The following ALK variants were observed in gnomAD, a reference collection of about 807,000 sequenced individuals.
ALK encodes the protein ALK tyrosine kinase receptor.
Under a neutral mutation model 163.1 loss-of-function variants are expected in ALK, and 74 were observed. The observed-to-expected ratio is 0.45, with a 90% CI of 0.38 to 0.55. The LOEUF (loss-of-function observed/expected upper bound fraction) is 0.55. Ranked by LOEUF, ALK falls within the 20% of genes least tolerant of loss-of-function variation. The pLI is 0.00. For synonymous variants in ALK, 960 were observed against 843.2 expected, an observed-to-expected ratio of 1.14 and a Z score of -2.40; for missense variants, 2,063 against 2,105.3, an observed-to-expected ratio of 0.98 and a Z score of 0.39.
At chr2:29,514,885 T>C (rs184764249) in intron 4 of ALK, among the ~76,000 whole-genome samples, 77 of 152,294 alleles carry the variant, frequency 5.1e-4, no homozygotes, top group Non-Finnish European at 9.3e-4. Flanking sequence ...GGGGTTCCCA[T>C]ACCCATCCCT....
At chr2:29,796,916 C>G (rs953994959) in intron 1 of ALK, among the ~76,000 whole-genome samples, 1 of 147,286 alleles carries the variant, frequency 6.8e-6, no homozygotes, top group African/African-American at 2.7e-5. Context: ...ATGCTCACAA[C>G]TTACTATCAA....
rs2148442746 is a variant in ALK at position 29,919,975 on chromosome 2, C to T, written c.667+18G>A. On this transcript the variant is annotated intron_variant, in intron 1 of 28. Coordinates refer to ENST00000389048, the MANE Select transcript of ALK (RefSeq NM_004304.5). ...TAAAAACACTAAATCCCGGCACACT[C>T]AGGCGGGAGCTGCTCACCAGTCCCG... 1 of 1,611,078 alleles carries T rather than the reference C, an allele frequency of 6.2e-7. No individual in the cohort carries two copies. The highest frequency in any genetic ancestry group is 8.5e-7 in the Non-Finnish European group (1 of 1,177,676).
intron 5 of ALK, among the ~76,000 whole-genome samples, chr2:29,358,380 G>A (rs1312820159): frequency 1.3e-5 from 2 of 152,314 alleles, no homozygotes; most frequent in Non-Finnish European, 1.5e-5. Flanking sequence ...TAAAGATGGA[G>A]AAAACATCAG....
chr2:29,851,980 T>C (rs1171781988), intron 1 of ALK, among the ~76,000 whole-genome samples: 1 of 152,202 alleles, frequency 6.6e-6, no homozygotes, highest in Non-Finnish European at 1.5e-5. Context: ...ACCTGTATTT[T>C]CTTATGTGCA....
At chr2:29,279,628 C>T (rs1665655683) in intron 9 of ALK, among the ~76,000 whole-genome samples, 1 of 152,310 alleles carries the variant, frequency 6.6e-6, no homozygotes, top group African/African-American at 2.4e-5. Flanking sequence ...ATTCAGGTTT[C>T]CCTACTTTCG....
intron 5 of ALK, among the ~76,000 whole-genome samples, chr2:29,335,857 T>C (rs1354839441): frequency 6.6e-6 from 1 of 151,996 alleles, no homozygotes; most frequent in Non-Finnish European, 1.5e-5. Context: ...CTGACCAACA[T>C]AGTGAAACCC....
intron 4 of ALK, among the ~76,000 whole-genome samples, chr2:29,524,264 C>T (rs2148151259): frequency 6.6e-6 from 1 of 152,232 alleles, no homozygotes; most frequent in African/African-American, 2.4e-5. Context: ...GGTGTGCAAC[C>T]CAAAGTCTCC....
chr2:29,643,093 CAA>C (rs1676750725), intron 3 of ALK, among the ~76,000 whole-genome samples: 1 of 150,048 alleles, frequency 6.7e-6, no homozygotes, highest in African/African-American at 2.5e-5. Context: ...GGGGGAAAGC[CAA>C]AGAGATAAAA....
chr2:29,317,136 C>A (rs1188697746), intron 8 of ALK, among the ~76,000 whole-genome samples: 1 of 152,188 alleles, frequency 6.6e-6, no homozygotes, highest in African/African-American at 2.4e-5. Context: ...TGTCCCTCTG[C>A]TGGCCACAGA....
intron 1 of ALK, among the ~76,000 whole-genome samples, chr2:29,858,558 C>T (rs1340168559): frequency 6.6e-6 from 1 of 150,844 alleles, no homozygotes; most frequent in Non-Finnish European, 1.5e-5. Context: ...CGTGGCGAAA[C>T]TCCGTCTCTA....
chr2:29,793,780 A>G (rs1339730985), intron 1 of ALK, among the ~76,000 whole-genome samples: 1 of 152,212 alleles, frequency 6.6e-6, no homozygotes, highest in African/African-American at 2.4e-5. Flanking sequence ...TTTATTGAAT[A>G]TTCAGTTTAC....
Position 29,921,481 on chromosome 2 carries a change from G to T in ALK, c.-822C>A, listed in dbSNP as rs1033672960. ...CCGCGGCTTTGGGTGGCCGACCAGAGGGCGGCCGGAAAGCACCTCGGTGCC... is the reference window on the plus strand; with the variant it reads ...CCGCGGCTTTGGGTGGCCGACCAGATGGCGGCCGGAAAGCACCTCGGTGCC... On this transcript the variant is annotated 5_prime_UTR_variant, in exon 1 of 29. Transcript: ENST00000389048. The T allele has an allele frequency of 8.6e-6, 2 of 232,010 alleles. No individual in the cohort carries two copies. Among genetic ancestry groups the T allele is most frequent in the African/African-American group, 2.2e-5 (1 of 45,278 alleles). 14.4% of individuals were successfully genotyped at this position (232,010 alleles called of 1,614,324 possible).
At chr2:29,749,230 A>G (rs903991243) in intron 1 of ALK, among the ~76,000 whole-genome samples, 4 of 152,212 alleles carry the variant, frequency 2.6e-5, no homozygotes, top group African/African-American at 9.6e-5. Context: ...GAGCCCAAGA[A>G]TTCACATTGC....
Position 29,771,694 on chromosome 2 carries a change from C to T in ALK, c.668-53997G>A, listed in dbSNP as rs180789074. On this transcript the variant is annotated intron_variant, in intron 1 of 28. Transcript: ENST00000389048. ...GGACTACAGGCGCCTGCCACCATGC[C>T]CCGCTAATTTTTTGTATTTTTAGTA... Among the ~76,000 whole-genome samples, 309 of 152,176 alleles carry T rather than the reference C, an allele frequency of 2.0e-3. 4 individuals carry two copies. The highest frequency in any genetic ancestry group is 2.3e-3 in the Non-Finnish European group (156 of 68,016).
At chr2:29,565,177 T>C (rs940430582) in intron 3 of ALK, among the ~76,000 whole-genome samples, 1 of 152,226 alleles carries the variant, frequency 6.6e-6, no homozygotes, top group Non-Finnish European at 1.5e-5. Flanking sequence ...GAAGATTTAC[T>C]ATATTCTCAC....
In ALK at chr2:29,455,696, A is replaced by C. The variant is rs183311158; in HGVS notation, c.1155-71837T>G. On this transcript the variant is annotated intron_variant, in intron 4 of 28. Coordinates refer to ENST00000389048, the MANE Select transcript of ALK (RefSeq NM_004304.5). ...GGATGCAAGAAAGAAAAGGTCAAAA[A>C]CCACTTGACTGACTAAGAGAAGTAA... is the stretch of plus-strand genomic sequence containing the variant. Among the ~76,000 whole-genome samples the C allele has an allele frequency of 1.2e-3, 180 of 152,324 alleles. 1 individual carries two copies. The highest frequency in any genetic ancestry group is 3.8e-3 in the African/African-American group (160 of 41,580).
intron 4 of ALK, among the ~76,000 whole-genome samples, chr2:29,468,613 C>T (rs1367272189): frequency 6.6e-6 from 1 of 151,852 alleles, no homozygotes; most frequent in Non-Finnish European, 1.5e-5. Context: ...CTCTGGGAGG[C>T]CAAGAATGGT....
rs953030670 is a variant in ALK, at chr2:29,902,819, C to T, written c.667+17174G>A. Among the ~76,000 whole-genome samples, 16 of 152,190 alleles carry T rather than the reference C, an allele frequency of 1.1e-4. No homozygotes were observed. In the South Asian group the frequency reaches 3.3e-3, roughly 31 times the overall value. On this transcript the variant is annotated intron_variant, in intron 1 of 28. Transcript: ENST00000389048. ...ATCAGGAAGCCTGTACTCACCAATC[C>T]TACTCACTGTTCTTTGCCCGAAGAC...
At chr2:29,266,590 A>C (rs968581470) in intron 11 of ALK, among the ~76,000 whole-genome samples, 1 of 152,358 alleles carries the variant, frequency 6.6e-6, no homozygotes, top group Admixed American at 6.5e-5. Flanking sequence ...GCTCAGTACA[A>C]TAGCCAGCTC....
Sources: gnomAD v4.1 joint callset for allele counts (sites outside exome capture counted in the v4.1 genomes callset) on GRCh38, gnomAD v4.1.1 for gene constraint, MANE v1.5 for transcripts, NCBI Gene and HGNC (gene_info 2026-07-23, HGNC 2026-07-21) for gene names.